SNTG1: variants seen among roughly 807,000 people sequenced by gnomAD.
The protein encoded by SNTG1 is syntrophin gamma 1, also known as gamma-1-syntrophin.
Under a neutral mutation model 74.7 loss-of-function variants are expected in SNTG1, and 39 were observed. That is an observed-to-expected ratio of 0.52 (90% CI 0.40 to 0.68). The LOEUF (loss-of-function observed/expected upper bound fraction) is 0.68, where lower values mean the gene tolerates loss of function less well. Among genes scored for constraint, SNTG1 ranks in the 30% least tolerant of loss-of-function variants. The pLI is 0.00. For missense variants in SNTG1, 685 were observed against 609.5 expected (o/e 1.12, Z -1.30); for synonymous variants, 254 against 217.1 (o/e 1.17, Z -1.49).
intron 2 of SNTG1, among the ~76,000 whole-genome samples, chr8:50,275,732 G>A (rs2088061154): frequency 6.6e-6 from 1 of 152,100 alleles, no homozygotes; most frequent in African/African-American, 2.4e-5. Flanking sequence ...CAATTCATTA[G>A]TTACTGTGGA....
chr8:50,373,449 T>A (rs767088279), intron 2 of SNTG1, among the ~76,000 whole-genome samples: 1 of 152,198 alleles, frequency 6.6e-6, no homozygotes, highest in Non-Finnish European at 1.5e-5. Context: ...AATTAATTCT[T>A]GGTGATGTGT....
intron 2 of SNTG1, among the ~76,000 whole-genome samples, chr8:50,367,071 A>G (rs2092135194): frequency 6.6e-6 from 1 of 151,786 alleles, no homozygotes; most frequent in Non-Finnish European, 1.5e-5. Context: ...ATGGAGTCCT[A>G]GAACCCACCC....
chr8:50,176,926 G>T (rs2083020775), intron 2 of SNTG1, among the ~76,000 whole-genome samples: 1 of 152,114 alleles, frequency 6.6e-6, no homozygotes, highest in South Asian at 2.1e-4. Flanking sequence ...GATTAATCTA[G>T]GCTGCTTCAG....
At chr8:50,067,519 A>C (rs749011738) in intron 1 of SNTG1, among the ~76,000 whole-genome samples, 16 of 152,132 alleles carry the variant, frequency 1.1e-4, no homozygotes, top group South Asian at 6.2e-4. Context: ...GGTTTCTCAA[A>C]CTACCCTTCT....
chr8:50,497,456 T>C (rs2093914451), intron 8 of SNTG1, among the ~76,000 whole-genome samples: 1 of 151,990 alleles, frequency 6.6e-6, no homozygotes, highest in Non-Finnish European at 1.5e-5. Flanking sequence ...TTTTAATTTA[T>C]CAGAAATTCC....
intron 2 of SNTG1, among the ~76,000 whole-genome samples, chr8:50,247,440 G>T (rs12056426): frequency 0.57 from 85,909 of 151,946 alleles, 27,988 homozygotes; most frequent in East Asian, 0.83. Context: ...CCTCAAACTA[G>T]ATTTTGTTCT....
chr8:50,329,118 T>G (rs1471026494), intron 2 of SNTG1, among the ~76,000 whole-genome samples: 1 of 152,152 alleles, frequency 6.6e-6, no homozygotes, highest in Non-Finnish European at 1.5e-5. Context: ...CACACTGATG[T>G]AAAAGTTGGG....
chr8:50,290,882 C>T (rs1276222691), intron 2 of SNTG1, among the ~76,000 whole-genome samples: 1 of 152,100 alleles, frequency 6.6e-6, no homozygotes, highest in Admixed American at 6.6e-5. Context: ...TTCAGCCCCC[C>T]AAGTAGCTGG....
intron 1 of SNTG1, among the ~76,000 whole-genome samples, chr8:50,031,945 G>A (rs768634392): frequency 6.6e-6 from 1 of 151,928 alleles, no homozygotes. Context: ...TTTTTGAGAA[G>A]GTTTTAATTA....
At position 50,659,601 on chromosome 8, in the gene SNTG1, A is replaced by G. The variant is rs372099121; in HGVS notation, c.1038+938A>G. ...TGTTCCTTATAGAGAACTTTGGATT[A>G]AAGCTGAAGTTCTCTGAAGTGCAAA... is the stretch of plus-strand genomic sequence containing the variant. On this transcript the variant is annotated intron_variant, in intron 15 of 18. Transcript: ENST00000642720. Among the ~76,000 whole-genome samples the G allele has an allele frequency of 3.0e-3, 462 of 152,324 alleles. 3 individuals are homozygous for G. Among genetic ancestry groups the G allele is most frequent in the African/African-American group, 0.011 (445 of 41,582 alleles).
intron 2 of SNTG1, among the ~76,000 whole-genome samples, chr8:50,323,270 G>T (rs927527611): frequency 2.0e-5 from 3 of 151,902 alleles, no homozygotes; most frequent in African/African-American, 7.3e-5. Context: ...ATTTCCTCAG[G>T]TTCCCTCAAA....
intron 4 of SNTG1, among the ~76,000 whole-genome samples, chr8:50,423,970 G>T (rs2093129529): frequency 6.6e-6 from 1 of 152,142 alleles, no homozygotes; most frequent in South Asian, 2.1e-4. Context: ...TGGATATGGG[G>T]ATGATCTAAA....
chr8:50,061,791 C>T (rs1053770850), intron 1 of SNTG1, among the ~76,000 whole-genome samples: 1 of 151,900 alleles, frequency 6.6e-6, no homozygotes, highest in Non-Finnish European at 1.5e-5. Context: ...TTCTTATTGT[C>T]TTGTTATTGA....
chr8:50,303,110 T>A (rs2089723805), intron 2 of SNTG1, among the ~76,000 whole-genome samples: 1 of 152,228 alleles, frequency 6.6e-6, no homozygotes, highest in Non-Finnish European at 1.5e-5. Flanking sequence ...ATATTTATGT[T>A]ACTACTTTGA....
At chr8:50,707,794 C>G (rs1050064654) in intron 16 of SNTG1, 5 of 312,700 alleles carry the variant, frequency 1.6e-5, no homozygotes, top group Non-Finnish European at 2.3e-5. Context: ...AAATTAAATG[C>G]AAATAAAACT....
intron 15 of SNTG1, among the ~76,000 whole-genome samples, chr8:50,694,191 C>A (rs533760832): frequency 6.6e-6 from 1 of 151,040 alleles, no homozygotes; most frequent in East Asian, 1.9e-4. Context: ...TATTCACAAC[C>A]TTTAGCTAAA....
chr8:50,510,331 G>C (rs2094057406), intron 9 of SNTG1, among the ~76,000 whole-genome samples: 1 of 152,116 alleles, frequency 6.6e-6, no homozygotes, highest in South Asian at 2.1e-4. Context: ...ATTTTATTGA[G>C]GATTTTTGCA....
chr8:50,357,500 G>A (rs754758312), intron 2 of SNTG1, among the ~76,000 whole-genome samples: 7 of 152,126 alleles, frequency 4.6e-5, no homozygotes, highest in Admixed American at 6.6e-5. Context: ...AAGTGTCCTT[G>A]GCATGTGGGA....
chr8:50,063,212 A>G (rs540009296), intron 1 of SNTG1, among the ~76,000 whole-genome samples: 25 of 152,348 alleles, frequency 1.6e-4, no homozygotes, highest in Admixed American at 1.3e-3. Flanking sequence ...ATAAAAGTGG[A>G]TACACTTTTT....
Sources: gnomAD v4.1 joint callset for allele counts (sites outside exome capture counted in the v4.1 genomes callset) on GRCh38, gnomAD v4.1.1 for gene constraint, MANE v1.5 for transcripts, NCBI Gene and HGNC (gene_info 2026-07-23, HGNC 2026-07-21) for gene names.